ELFN2: variants seen among roughly 807,000 people sequenced by gnomAD.
ELFN2 encodes extracellular leucine rich repeat and fibronectin type III domain containing 2.
ELFN2 carries 17 observed loss-of-function variants against 45.5 expected under a neutral mutation model. The observed-to-expected ratio is 0.37, with a 90% CI of 0.26 to 0.56. The LOEUF is 0.56. Ranked by LOEUF, ELFN2 falls within the 20% of genes least tolerant of loss-of-function variation. ELFN2 has a pLI of 0.77. For synonymous variants in ELFN2, 550 were observed against 551.5 expected (o/e 1.00, Z 0.04); for missense variants, 922 against 1,183.2 (o/e 0.78, Z 3.24).
In ELFN2 at chr22:37,372,081, GT is replaced by G. The variant is rs1189982036; in HGVS notation, c.*990del. On this transcript the variant is annotated 3_prime_UTR_variant, in exon 3 of 3. Coordinates refer to ENST00000402918, the MANE Select transcript of ELFN2 (RefSeq NM_052906.5). The surrounding 1 kb of genome is among the most constrained non-coding windows in gnomAD (Gnocchi z 4.4). ...CGCTGCCCTTCTGCGGTGGGCAGGG[GT>G]CTCGGAGGACCAGAGAAGCTGGGGC... 7.2e-5 allele frequency: 11 copies of G among 152,530 alleles called. No homozygotes were observed. In the East Asian group the frequency reaches 2.1e-3, roughly 29 times the overall value. The allele number at this position is 152,530 out of a possible 1,614,324, so 9.4% of individuals were successfully genotyped here.
intron 1 of ELFN2, among the ~76,000 whole-genome samples, chr22:37,346,454 A>G (rs370205733): frequency 6.8e-6 from 1 of 147,964 alleles, no homozygotes; most frequent in South Asian, 2.1e-4. Flanking sequence ...CCCACCCTAC[A>G]CACCCCTCCT....
intron 2 of ELFN2, among the ~76,000 whole-genome samples, chr22:37,392,225 C>G (rs1775233832): frequency 6.6e-6 from 1 of 152,150 alleles, no homozygotes; most frequent in Admixed American, 6.6e-5. Flanking sequence ...ACAGTGAGCC[C>G]ACCCTTGTTA....
At position 37,375,509 on chromosome 22, in the gene ELFN2, G is replaced by A. The variant is rs768020428; in HGVS notation, c.26C>T (p.Ala9Val). The A allele has an allele frequency of 2.1e-5, 33 of 1,565,500 alleles. No individual in the cohort carries two copies. The highest frequency in any genetic ancestry group is 2.5e-5 in the Non-Finnish European group (29 of 1,155,556). The change falls in exon 3 of 3, where the codon GCG becomes GTG. Residue 9 changes from alanine (A) to valine (V), a missense_variant. This residue lies in a region of ELFN2 where 358 missense variants were observed against 540.4 expected (regional missense o/e 0.66). Transcript: ENST00000402918. MLRLGLCA[A>V]ALLCVCRPGA... ...CGGCCGGCACACGCACAGCAGCGCC[G>A]CCGCGCACAGCCCCAGGCGCAGCAT...
chr22:37,426,281 C>A (rs577997553), intron 1 of ELFN2, among the ~76,000 whole-genome samples: 1 of 152,010 alleles, frequency 6.6e-6, no homozygotes, highest in Admixed American at 6.5e-5. Flanking sequence ...TCCTTGGGCA[C>A]GCCTGACACA....
At chr22:37,415,228 T>C (rs1932745102) in intron 2 of ELFN2, among the ~76,000 whole-genome samples, 1 of 152,212 alleles carries the variant, frequency 6.6e-6, no homozygotes, top group Non-Finnish European at 1.5e-5. Context: ...GCCAAAATGG[T>C]AGACAGGACA....
intron 2 of ELFN2, among the ~76,000 whole-genome samples, chr22:37,380,367 C>T (rs1312400036): frequency 6.6e-6 from 1 of 152,196 alleles, no homozygotes; most frequent in East Asian, 1.9e-4. Flanking sequence ...GTGAGTACCA[C>T]CCAGCTCCAG....
At chr22:37,394,931 C>T (rs1932173393) in intron 2 of ELFN2, among the ~76,000 whole-genome samples, 1 of 151,820 alleles carries the variant, frequency 6.6e-6, no homozygotes, top group Non-Finnish European at 1.5e-5. Flanking sequence ...AGCGAAACCC[C>T]GTCTCTACTA....
At chr22:37,392,696 T>C (rs1442709451) in intron 2 of ELFN2, among the ~76,000 whole-genome samples, 1 of 152,130 alleles carries the variant, frequency 6.6e-6, no homozygotes, top group Non-Finnish European at 1.5e-5. Context: ...ATCCTCAAGA[T>C]CACATTGCAA....
At chr22:37,345,144 C>A (rs2145608364) in intron 1 of ELFN2, among the ~76,000 whole-genome samples, 1 of 152,348 alleles carries the variant, frequency 6.6e-6, no homozygotes, top group East Asian at 1.9e-4. Flanking sequence ...GCCCACCAAT[C>A]TGTGAGCACC....
intron 1 of ELFN2, among the ~76,000 whole-genome samples, chr22:37,358,157 T>TC (rs1327689826): frequency 1.3e-5 from 2 of 151,332 alleles, no homozygotes; most frequent in African/African-American, 4.9e-5. Flanking sequence ...AACCCTCACC[T>TC]CCCCCAGGCC....
intron 2 of ELFN2, among the ~76,000 whole-genome samples, chr22:37,412,945 C>T (rs1270272645): frequency 6.6e-6 from 1 of 152,220 alleles, no homozygotes; most frequent in African/African-American, 2.4e-5. Flanking sequence ...CTCCCCTCTC[C>T]CTTCCCTTGA....
At chr22:37,414,367 T>G (rs1295384975) in intron 2 of ELFN2, among the ~76,000 whole-genome samples, 1 of 152,190 alleles carries the variant, frequency 6.6e-6, no homozygotes, top group Non-Finnish European at 1.5e-5. Context: ...AGACATGCAC[T>G]GAGCCAGGAG....
intron 2 of ELFN2, among the ~76,000 whole-genome samples, chr22:37,389,463 C>T (rs950342048): frequency 3.9e-5 from 6 of 152,146 alleles, no homozygotes; most frequent in Non-Finnish European, 8.8e-5. Context: ...GTCCCCATCC[C>T]CTGGGCCGAG....
intron 2 of ELFN2, among the ~76,000 whole-genome samples, chr22:37,403,545 T>C (rs1359666062): frequency 6.6e-6 from 1 of 152,274 alleles, no homozygotes; most frequent in South Asian, 2.1e-4. Context: ...CTCCCGGGTG[T>C]TTGTTTTGAA....
intron 1 of ELFN2, among the ~76,000 whole-genome samples, chr22:37,357,273 C>T (rs78041157): frequency 0.013 from 1,920 of 152,234 alleles, 12 homozygotes; most frequent in Middle Eastern, 0.037. Context: ...AACTTGAGTA[C>T]GGGGCCTCAC....
chr22:37,358,605 G>A (rs1319545864), intron 1 of ELFN2, among the ~76,000 whole-genome samples: 3 of 152,190 alleles, frequency 2.0e-5, no homozygotes, highest in African/African-American at 2.4e-5. Context: ...ACTGGGTCCC[G>A]TGGCCATTCC....
intron 2 of ELFN2, among the ~76,000 whole-genome samples, chr22:37,341,874 T>C (rs984628431): frequency 2.0e-5 from 3 of 152,114 alleles, no homozygotes; most frequent in Non-Finnish European, 4.4e-5. Flanking sequence ...AATGAGATAA[T>C]TTAGGGGAAT....
rs1601741191 is a variant in ELFN2, at chr22:37,368,238, C to G, written c.*4834G>C. On this transcript the variant is annotated 3_prime_UTR_variant, in exon 3 of 3. Coordinates refer to ENST00000402918, the MANE Select transcript of ELFN2 (RefSeq NM_052906.5). The stretch of plus-strand genomic sequence containing the variant: ...TGAGCCCAGCTCTGCAGGACCCAAA[C>G]CAGGTGCCCAACCACAGCCAACTTG... The G allele has an allele frequency of 6.6e-6, 1 of 152,406 alleles. No individual in the cohort carries two copies. Among genetic ancestry groups the G allele is most frequent in the Non-Finnish European group, 1.5e-5 (1 of 68,090 alleles). 9.4% of individuals were successfully genotyped at this position (152,406 alleles called of 1,614,324 possible).
chr22:37,357,545 C>G (rs1373089278), intron 1 of ELFN2, among the ~76,000 whole-genome samples: 1 of 152,202 alleles, frequency 6.6e-6, no homozygotes, highest in African/African-American at 2.4e-5. Context: ...ATGGGGAACT[C>G]ACTACACTTC....
Sources: gnomAD v4.1 joint callset for allele counts (sites outside exome capture counted in the v4.1 genomes callset) on GRCh38, gnomAD v4.1.1 for gene constraint, gnomAD v4.1.1 regional missense constraint, Gnocchi (gnomAD v3.1) non-coding constraint, MANE v1.5 for transcripts, NCBI Gene and HGNC (gene_info 2026-07-23, HGNC 2026-07-21) for gene names.